The following KAZN variants were observed in gnomAD, a reference collection of about 807,000 sequenced individuals.
KAZN encodes the protein kazrin.
Under a neutral mutation model 87.4 loss-of-function variants are expected in KAZN, and 40 were observed. The ratio of observed to expected loss-of-function variants is 0.46; its 90% CI spans 0.36 to 0.60. The LOEUF (loss-of-function observed/expected upper bound fraction) is 0.60, where lower values mean the gene tolerates loss of function less well. Ranked by LOEUF, KAZN falls within the 20% of genes least tolerant of loss-of-function variation. The pLI is 0.00. For synonymous variants in KAZN, 466 were observed against 458.3 expected (o/e 1.02, Z -0.22); for missense variants, 898 against 1,073.9 (o/e 0.84, Z 2.29).
At chr1:13,921,554 G>C (rs1640067960) in intron 1 of KAZN, among the ~76,000 whole-genome samples, 1 of 152,162 alleles carries the variant, frequency 6.6e-6, no homozygotes, top group Non-Finnish European at 1.5e-5. Context: ...CAAGAAGTCT[G>C]GGGATCATAT....
At chr1:14,125,060 G>A (rs147698805) in intron 1 of KAZN, among the ~76,000 whole-genome samples, 1 of 152,148 alleles carries the variant, frequency 6.6e-6, no homozygotes, top group Non-Finnish European at 1.5e-5. Flanking sequence ...CCACGGGCAT[G>A]TCTCCCAGGA....
intron 1 of KAZN, among the ~76,000 whole-genome samples, chr1:14,151,317 G>A (rs1456339013): frequency 2.6e-5 from 4 of 151,778 alleles, no homozygotes; most frequent in Non-Finnish European, 4.4e-5. Flanking sequence ...TTTTTTTCAG[G>A]ACATAATCTA....
At chr1:14,238,952 C>G (rs1183270801) in intron 2 of KAZN, among the ~76,000 whole-genome samples, 1 of 152,226 alleles carries the variant, frequency 6.6e-6, no homozygotes, top group Non-Finnish European at 1.5e-5. Context: ...ACCCAGATAG[C>G]TGAGGACTGT....
At chr1:14,715,984 T>C (rs950410628) in intron 1 of KAZN, among the ~76,000 whole-genome samples, 4 of 152,162 alleles carry the variant, frequency 2.6e-5, no homozygotes, top group Non-Finnish European at 5.9e-5. Flanking sequence ...TAATCAACTG[T>C]GGTCAGCAAA....
chr1:14,691,417 A>G (rs1395223019), intron 1 of KAZN, among the ~76,000 whole-genome samples: 1 of 152,246 alleles, frequency 6.6e-6, no homozygotes, highest in Non-Finnish European at 1.5e-5. Context: ...CTTTCAGTGC[A>G]TGCATGAAAG....
chr1:14,069,165 G>T (rs1426398609), intron 1 of KAZN, among the ~76,000 whole-genome samples: 1 of 152,200 alleles, frequency 6.6e-6, no homozygotes, highest in Non-Finnish European at 1.5e-5. Flanking sequence ...TGACCCAGGA[G>T]CTAATATGGG....
At chr1:14,959,537 G>A (rs1034852929) in intron 1 of KAZN, among the ~76,000 whole-genome samples, 1 of 152,162 alleles carries the variant, frequency 6.6e-6, no homozygotes, top group African/African-American at 2.4e-5. Flanking sequence ...TGTGCGGAGG[G>A]TGGGGGCGGC....
At chr1:14,592,869 C>T (rs1351412921) in intron 2 of KAZN, among the ~76,000 whole-genome samples, 1 of 152,192 alleles carries the variant, frequency 6.6e-6, no homozygotes, top group African/African-American at 2.4e-5. Flanking sequence ...TATCACTCAG[C>T]CTTACCAGGT....
chr1:14,263,590 T>A (rs1484162836), intron 2 of KAZN, among the ~76,000 whole-genome samples: 2 of 152,044 alleles, frequency 1.3e-5, no homozygotes, highest in Non-Finnish European at 2.9e-5. Context: ...GTTTCAGCGA[T>A]GATTTCTGGG....
chr1:14,260,480 C>A (rs1034927911), intron 2 of KAZN, among the ~76,000 whole-genome samples: 1 of 152,070 alleles, frequency 6.6e-6, no homozygotes, highest in Non-Finnish European at 1.5e-5. Flanking sequence ...ATGGCTGGAG[C>A]AGGGTGAGCC....
At position 15,094,264 on chromosome 1, in the gene KAZN, A is replaced by G; in HGVS notation, c.1307A>G (p.Glu436Gly). 6.2e-7 allele frequency: 1 copy of G among 1,613,896 alleles called. No individual in the cohort carries two copies. Residue 436 changes from glutamate (E) to glycine (G), a missense_variant, in exon 9 of 15, where the codon GAG becomes GGG. Coordinates refer to ENST00000376030, the MANE Select transcript of KAZN (RefSeq NM_201628.3). The surrounding 1 kb of genome is among the most constrained non-coding windows in gnomAD (Gnocchi z 4.5). The stretch of plus-strand genomic sequence containing the variant: ...CAGATGGACCGGCTGCAGCAGGTGG[A>G]GCTGGTGAGGACCACCCCTATGTCC... ...EEQMDRLQQV[E>G]LVRTTPMSHW...
In KAZN at chr1:14,534,580, G is replaced by T. The variant is rs183272390; in HGVS notation, c.250-64403G>T. On this transcript the variant is annotated intron_variant, in intron 2 of 16. Transcript: ENST00000636203. ...GAATCACTTGAACCCAGGAGGCGGA[G>T]GTTGCAGTGAGCCGAGATCGCACCA... 2.5e-3 allele frequency among the ~76,000 whole-genome samples: 387 copies of T among 152,282 alleles called. 1 individual carries two copies. The highest frequency in any genetic ancestry group is 9.1e-3 in the African/African-American group (377 of 41,556).
intron 2 of KAZN, among the ~76,000 whole-genome samples, chr1:14,997,432 G>GTTTCTCCCTGTTGGTCAGGC (rs1198698876): frequency 7.2e-5 from 11 of 152,006 alleles, no homozygotes; most frequent in Admixed American, 2.0e-4. Flanking sequence ...TAGAGTCAGG[G>GTTTCTCCCTGTTGGTCAGGC]TTTCTCCCTG....
chr1:13,898,979 A>G (rs961160865), intron 1 of KAZN, among the ~76,000 whole-genome samples: 3 of 152,210 alleles, frequency 2.0e-5, no homozygotes, highest in African/African-American at 4.8e-5. Flanking sequence ...ACTTTTGCAA[A>G]AGTTAAACAG....
At chr1:14,549,115 A>T (rs1673346524) in intron 2 of KAZN, among the ~76,000 whole-genome samples, 1 of 152,208 alleles carries the variant, frequency 6.6e-6, no homozygotes, top group South Asian at 2.1e-4. Flanking sequence ...TGCTGATTTC[A>T]CTTATTAATT....
At chr1:14,146,123 A>G (rs938384807) in intron 1 of KAZN, among the ~76,000 whole-genome samples, 1 of 151,378 alleles carries the variant, frequency 6.6e-6, no homozygotes, top group Non-Finnish European at 1.5e-5. Flanking sequence ...CTGAACAGTC[A>G]TGACTTCTAT....
rs141680303 is a variant in KAZN, at chr1:15,106,124, TA to T, written c.2048+1942del. ...GCGTGACCTTTTCTCTACTAAAAAT[TA>T]AAAAAATTCCCTGGAGGTGGTGGAG... On this transcript the variant is annotated intron_variant, in intron 13 of 14. Transcript: ENST00000376030. 2.0e-5 allele frequency among the ~76,000 whole-genome samples: 3 copies of T among 151,850 alleles called. No homozygotes were observed. The South Asian group carries it at 6.2e-4, about 32-fold the overall frequency.
chr1:14,832,700 G>GC (rs755079539), intron 1 of KAZN, among the ~76,000 whole-genome samples: 7 of 152,216 alleles, frequency 4.6e-5, no homozygotes, highest in Non-Finnish European at 8.8e-5. Flanking sequence ...CTAATGCACA[G>GC]CCCACGTGCC....
chr1:14,913,115 TGTGCTTGTG>T, intron 1 of KAZN, among the ~76,000 whole-genome samples: 1 of 152,316 alleles, frequency 6.6e-6, no homozygotes, highest in East Asian at 1.9e-4. Flanking sequence ...TTTAGGAGTG[TGTGCTTGTG>T]GTGCGCCTGG....
Sources: allele counts gnomAD v4.1 joint callset (sites outside exome capture counted in the v4.1 genomes callset), GRCh38; gene constraint gnomAD v4.1.1; non-coding constraint Gnocchi (gnomAD v3.1); transcripts MANE v1.5; gene names NCBI Gene and HGNC (gene_info 2026-07-23, HGNC 2026-07-21).